RANBP3L: variants seen among roughly 807,000 people sequenced by gnomAD.
The protein encoded by RANBP3L is RAN binding protein 3 like, also known as ran-binding protein 3-like.
A neutral mutation model predicts 67.2 loss-of-function variants in RANBP3L; 56 were observed. The ratio of observed to expected loss-of-function variants is 0.83; its 90% CI spans 0.67 to 1.04. The LOEUF (loss-of-function observed/expected upper bound fraction) is 1.04. Ranked by LOEUF, RANBP3L falls within the 50% of genes least tolerant of loss-of-function variation. The probability of loss-of-function intolerance (pLI) is 0.00; values close to 1 mark genes in which losing one functional copy is unlikely to be tolerated. For missense variants in RANBP3L, 496 were observed against 535.5 expected (o/e 0.93, Z 0.73); for synonymous variants, 164 against 181.4 (o/e 0.90, Z 0.77).
intron 1 of RANBP3L, among the ~76,000 whole-genome samples, chr5:36,286,468 C>T (rs183861136): frequency 1.3e-5 from 2 of 152,204 alleles, no homozygotes; most frequent in East Asian, 3.9e-4. Flanking sequence ...TCCTTTTGTC[C>T]CTCCAACACA....
chr5:36,298,744 G>T (rs1358968858), intron 1 of RANBP3L, among the ~76,000 whole-genome samples: 1 of 152,174 alleles, frequency 6.6e-6, no homozygotes, highest in Non-Finnish European at 1.5e-5. Context: ...TGGCTTATGT[G>T]GGCAGATATT....
intron 10 of RANBP3L, 119 bp from the exon 11 acceptor site, chr5:36,255,709 G>T: frequency 1.7e-6 from 1 of 580,296 alleles, no homozygotes; most frequent in Non-Finnish European, 2.8e-6. Flanking sequence ...CTTTGTTAAT[G>T]ATTTATAAAC....
intron 8 of RANBP3L, among the ~76,000 whole-genome samples, chr5:36,259,212 C>T (rs1008358587): frequency 6.6e-6 from 1 of 152,134 alleles, no homozygotes; most frequent in Non-Finnish European, 1.5e-5. Flanking sequence ...GGTGAGTTGA[C>T]CTTCATTTTG....
intron 10 of RANBP3L, 37 bp from the exon 11 acceptor site, chr5:36,255,627 A>G: frequency 5.3e-6 from 8 of 1,503,230 alleles, no homozygotes; most frequent in Non-Finnish European, 7.3e-6. Flanking sequence ...AATATATAGA[A>G]AATTTTTTCA....
rs1489730831 is a variant in RANBP3L, at chr5:36,251,256, A to T, written c.1354+57T>A. The T allele has an allele frequency of 2.8e-6, 4 of 1,416,132 alleles. No homozygotes were observed. In the African/African-American group the frequency reaches 4.3e-5, roughly 15 times the overall value. 87.7% of individuals were successfully genotyped at this position (1,416,132 alleles called of 1,614,324 possible). ...TAAAAAATCTACCTAATATATTAGGATCGTGCTTAAGAATTCTTTTTTAAA... is the reference window on the plus strand; with the variant it reads ...TAAAAAATCTACCTAATATATTAGGTTCGTGCTTAAGAATTCTTTTTTAAA... On this transcript the variant is annotated intron_variant, in intron 13 of 13. Coordinates refer to ENST00000296604, the MANE Select transcript of RANBP3L (RefSeq NM_145000.5).
Position 36,255,558 on chromosome 5 carries a change from T to G in RANBP3L, c.936A>C (p.Thr312=), listed in dbSNP as rs368842510. Residue 312 remains threonine, a synonymous_variant, in exon 11 of 14, where the codon ACA becomes ACC. Coordinates refer to ENST00000296604, the MANE Select transcript of RANBP3L (RefSeq NM_145000.5). ...TGCCCCTTTCAATCCAGGATTGTGT[T>G]GTTTTGTTGAATATGAAAAGCTTGC... The part of the protein sequence containing the change: ...INCKLFIFNK[T]TQSWIERGRG... 53 of 1,610,528 alleles carry G rather than the reference T, an allele frequency of 3.3e-5. No individual in the cohort carries two copies. The African/African-American group carries it at 6.1e-4, about 19-fold the overall frequency.
intron 4 of RANBP3L, among the ~76,000 whole-genome samples, chr5:36,269,076 T>A (rs868435975): frequency 6.6e-6 from 1 of 152,080 alleles, no homozygotes; most frequent in African/African-American, 2.4e-5. Flanking sequence ...TGCAGAAACT[T>A]TGGAAACATA....
In RANBP3L at chr5:36,268,158, G is replaced by A. The variant is rs547309580; in HGVS notation, c.268+1232C>T. ...TAATAAGAATGATTTTGAAAAGTCA[G>A]TGTCAGGCTTGAGGTTCTAGAAACT... On this transcript the variant is annotated intron_variant, in intron 4 of 13. Transcript: ENST00000296604. 3.0e-6 allele frequency: 4 copies of A among 1,330,736 alleles called. No homozygotes were observed. The African/African-American group carries it at 4.5e-5, about 15-fold the overall frequency. The allele number at this position is 1,330,736 out of a possible 1,614,324, so 82.4% of individuals were successfully genotyped here.
chr5:36,294,199 G>A (rs1247491121), intron 1 of RANBP3L, among the ~76,000 whole-genome samples: 1 of 152,040 alleles, frequency 6.6e-6, no homozygotes, highest in Non-Finnish European at 1.5e-5. Flanking sequence ...AGAGGTGTTT[G>A]TAGTATTCTC....
rs149771572 is a variant in RANBP3L at position 36,253,752 on chromosome 5, G to C, written c.1062C>G (p.Asn354Lys). The C allele has an allele frequency of 1.2e-6, 2 of 1,612,992 alleles. No homozygotes were observed. Among genetic ancestry groups the C allele is most frequent in the Non-Finnish European group, 1.7e-6 (2 of 1,179,246 alleles). ...TCTTCATTTGGGCCCAGAGTTTGCT[G>C]TTGAGGATCAGCCTTAGACTGCCTT... is the stretch of plus-strand genomic sequence containing the variant. ...RNQGSLRLILNSKLWAQMKIQ... is the reference protein window; with the variant it reads ...RNQGSLRLILKSKLWAQMKIQ... The change falls in exon 12 of 14, where the codon AAC becomes AAG. Residue 354 changes from asparagine to lysine, a missense_variant. Coordinates refer to ENST00000296604, the MANE Select transcript of RANBP3L (RefSeq NM_145000.5).
In RANBP3L at chr5:36,246,935, A is replaced by T. The variant is rs878607; in HGVS notation, c.*2719T>A. Among the ~76,000 whole-genome samples the T allele has an allele frequency of 0.86, 130,922 of 152,212 alleles. 57,898 individuals carry two copies. The highest frequency in any genetic ancestry group is 0.97 in the Non-Finnish European group (66,082 of 68,020). Reference sequence around the variant, plus strand: ...ATATTTTTTAAGAGAGAACATTTTAATTGTCTATAATTAGGGTAAACAGTT... The same window carrying T: ...ATATTTTTTAAGAGAGAACATTTTATTTGTCTATAATTAGGGTAAACAGTT... On this transcript the variant is annotated 3_prime_UTR_variant, in exon 14 of 14. Coordinates refer to ENST00000296604, the MANE Select transcript of RANBP3L (RefSeq NM_145000.5).
chr5:36,267,775 T>C (rs1488288110), intron 4 of RANBP3L, among the ~76,000 whole-genome samples: 2 of 152,208 alleles, frequency 1.3e-5, no homozygotes, highest in African/African-American at 4.8e-5. Context: ...AGAGGAGTAA[T>C]GTTTTAATTA....
At chr5:36,294,453 G>A (rs1752042174) in intron 1 of RANBP3L, among the ~76,000 whole-genome samples, 1 of 151,940 alleles carries the variant, frequency 6.6e-6, no homozygotes, top group Admixed American at 6.6e-5. Context: ...GCTTTTGAAT[G>A]TGTTTGCTCT....
chr5:36,274,491 GC>G (rs530127699), intron 1 of RANBP3L, among the ~76,000 whole-genome samples: 38 of 152,130 alleles, frequency 2.5e-4, no homozygotes, highest in Admixed American at 1.6e-3. Context: ...AGAGGGAAAA[GC>G]AAGAGGAAAG....
chr5:36,295,114 T>C (rs1298206864), intron 1 of RANBP3L, among the ~76,000 whole-genome samples: 1 of 152,120 alleles, frequency 6.6e-6, no homozygotes, highest in Non-Finnish European at 1.5e-5. Context: ...TTTGAATCCC[T>C]GCTTTTACTT....
intron 4 of RANBP3L, among the ~76,000 whole-genome samples, chr5:36,267,086 T>C (rs1167268072): frequency 6.6e-6 from 1 of 152,182 alleles, no homozygotes; most frequent in African/African-American, 2.4e-5. Context: ...ATGTCTGAGC[T>C]TGTCAGTCAG....
intron 2 of RANBP3L, among the ~76,000 whole-genome samples, chr5:36,270,977 C>T (rs1482981515): frequency 6.6e-6 from 1 of 152,194 alleles, no homozygotes; most frequent in Non-Finnish European, 1.5e-5. Flanking sequence ...CTCCTAATCT[C>T]TTTCAGCTCC....
chr5:36,264,647 C>T (rs1749627132), intron 6 of RANBP3L, among the ~76,000 whole-genome samples: 1 of 152,178 alleles, frequency 6.6e-6, no homozygotes, highest in Non-Finnish European at 1.5e-5. Flanking sequence ...TTTTTGACTA[C>T]TGACTCTGGC....
At position 36,270,765 on chromosome 5, in the gene RANBP3L, G is replaced by A. The variant is rs150090453; in HGVS notation, c.150+488C>T. On this transcript the variant is annotated intron_variant, in intron 2 of 13. Coordinates refer to ENST00000296604, the MANE Select transcript of RANBP3L (RefSeq NM_145000.5). The stretch of plus-strand genomic sequence containing the variant: ...CTCCCACCGTGGCCTCGAAACATGC[G>A]GGGATTACAGGCACAAGCCATCATG... Among the ~76,000 whole-genome samples, 105 of 152,274 alleles carry A rather than the reference G, an allele frequency of 6.9e-4. No homozygotes were observed. The South Asian group carries it at 0.012, about 17-fold the overall frequency.
Sources: gnomAD v4.1 joint callset for allele counts (sites outside exome capture counted in the v4.1 genomes callset) on GRCh38, gnomAD v4.1.1 for gene constraint, MANE v1.5 for transcripts, NCBI Gene and HGNC (gene_info 2026-07-23, HGNC 2026-07-21) for gene names.